The following DHX8 variants were observed in gnomAD, a reference collection of about 807,000 sequenced individuals.
DHX8 encodes the protein ATP-dependent RNA helicase DHX8.
Under a neutral mutation model 140.7 loss-of-function variants are expected in DHX8, and 67 were observed. The ratio of observed to expected loss-of-function variants is 0.48; its 90% CI spans 0.39 to 0.58. DHX8 has a LOEUF of 0.58. DHX8 is among the 20% of genes least tolerant of loss of function. The probability of loss-of-function intolerance (pLI) is 0.00; values close to 1 mark genes in which losing one functional copy is unlikely to be tolerated. For missense variants in DHX8, 887 were observed against 1,550.7 expected (o/e 0.57, Z 7.19); for synonymous variants, 533 against 553.2 (o/e 0.96, Z 0.51).
At position 43,533,398 on chromosome 17, in the gene DHX8, A is replaced by G. The variant is rs1971067268; in HGVS notation, c.351-3014A>G. On this transcript the variant is annotated intron_variant, in intron 2 of 3. Transcript: ENST00000589898. ...TGAGGGGGCAGAGAAGCTGGAAAGC[A>G]TCTTTGAACCCTTCATTCCTAGGAA... 3 of 1,539,426 alleles carry G rather than the reference A, an allele frequency of 1.9e-6. No homozygotes were observed. In the East Asian group the frequency reaches 6.8e-5, roughly 35 times the overall value.
chr17:43,518,937 A>C (rs977245019), intron 18 of DHX8: 1 of 152,178 alleles, frequency 6.6e-6, no homozygotes, highest in South Asian at 2.1e-4. Flanking sequence ...CATTTATTTC[A>C]TTCCTTTCTA....
downstream of DHX8, chr17:43,529,274 T>C: frequency 6.3e-7 from 1 of 1,597,178 alleles, no homozygotes; most frequent in East Asian, 2.2e-5. Context: ...GATGCTACCT[T>C]GGCAGAGGAA....
intron 1 of DHX8, among the ~76,000 whole-genome samples, chr17:43,485,803 T>TTTTAG (rs1404927614): frequency 6.6e-6 from 1 of 152,244 alleles, no homozygotes; most frequent in Non-Finnish European, 1.5e-5. Flanking sequence ...CTTCATAATC[T>TTTTAG]TTTAGTTTAT....
intron 2 of DHX8, among the ~76,000 whole-genome samples, chr17:43,534,714 C>T (rs1971142231): frequency 6.6e-6 from 1 of 151,988 alleles, no homozygotes; most frequent in South Asian, 2.1e-4. Flanking sequence ...CCGAGGCGGG[C>T]GGATCACCTG....
rs556713333 is a variant in DHX8, at chr17:43,494,115, G to A, written c.1212+229G>A. 3.9e-5 allele frequency among the ~76,000 whole-genome samples: 6 copies of A among 152,314 alleles called. No homozygotes were observed. In the South Asian group the frequency reaches 1.2e-3, roughly 32 times the overall value. Reference sequence around the variant, plus strand: ...AGGCCTCACAATTATGGAGGAAGGTGAAAGGCATATCTCACATGGCAGTAG... The same window carrying A: ...AGGCCTCACAATTATGGAGGAAGGTAAAAGGCATATCTCACATGGCAGTAG... On this transcript the variant is annotated intron_variant, in intron 8 of 22. Coordinates refer to ENST00000262415, the MANE Select transcript of DHX8 (RefSeq NM_004941.3).
intron 9 of DHX8, among the ~76,000 whole-genome samples, chr17:43,498,120 G>C (rs942771224): frequency 2.0e-5 from 3 of 151,144 alleles, no homozygotes; most frequent in Non-Finnish European, 4.4e-5. Context: ...TTGCATTGCT[G>C]TCCTTTGACC....
chr17:43,520,964 C>CTTTTTTTTTTTTTTTTTTT (rs10672223), intron 20 of DHX8, 85 bp downstream of exon 20: 1 of 358,210 alleles, frequency 2.8e-6, no homozygotes, highest in African/African-American at 4.5e-5. Flanking sequence ...TTGATGTGGA[C>CTTTTTTTTTTTTTTTTTTT]TTTTTTTTTT....
intron 3 of DHX8, among the ~76,000 whole-genome samples, chr17:43,538,719 C>T (rs979462795): frequency 2.0e-5 from 3 of 152,184 alleles, no homozygotes; most frequent in African/African-American, 7.2e-5. Context: ...GAAATGTAGA[C>T]ACCAAGAAGA....
chr17:43,507,160 G>T lies in DHX8; in HGVS notation c.1886G>T (p.Arg629Ile). 3 of 1,614,016 alleles carry T rather than the reference G, an allele frequency of 1.9e-6. No homozygotes were observed. The highest frequency in any genetic ancestry group is 1.1e-5 in the South Asian group (1 of 91,066). Residue 629 changes from arginine (R) to isoleucine (I), a missense_variant, in exon 13 of 23, where the codon AGA becomes ATA. Around this residue, in one of 9 missense-constraint regions of DHX8, gnomAD observed 178 missense variants for 398.5 expected, o/e 0.45. Coordinates refer to ENST00000262415, the MANE Select transcript of DHX8 (RefSeq NM_004941.3). ...GTGGCAGCTATGTCGGTGGCCAAAA[G>T]AGTGTCAGAGGAGTTTGGTTGTTGC... ...RRVAAMSVAK[R>I]VSEEFGCCLG...
At chr17:43,506,872 G>A in intron 12 of DHX8, 131 bp from the exon 13 acceptor site, 1 of 626,412 alleles carries the variant, frequency 1.6e-6, no homozygotes, top group Non-Finnish European at 2.5e-6. Context: ...CTTTTCTTTG[G>A]TGTTAGAATA....
intron 2 of DHX8, chr17:43,533,029 C>A (rs545832448): frequency 6.6e-7 from 1 of 1,510,082 alleles, no homozygotes; most frequent in Non-Finnish European, 8.9e-7. Flanking sequence ...AGAGTGGGCT[C>A]CGGAATGGGG....
At chr17:43,529,825 C>T, downstream of DHX8, 3 of 1,604,546 alleles carry the variant, frequency 1.9e-6, no homozygotes, top group Non-Finnish European at 2.6e-6. Context: ...TGATGTGACT[C>T]CTGCAGGGAC....
intron 16 of DHX8, among the ~76,000 whole-genome samples, chr17:43,511,761 C>T (rs1298739612): frequency 6.7e-6 from 1 of 150,282 alleles, no homozygotes; most frequent in African/African-American, 2.4e-5. Flanking sequence ...CCTGGCAGAT[C>T]CCAGCATTTT....
downstream of DHX8, among the ~76,000 whole-genome samples, chr17:43,530,607 C>CGTGTGTGTGTGT (rs1414343747): frequency 1.4e-5 from 2 of 138,628 alleles, no homozygotes; most frequent in African/African-American, 5.0e-5. Context: ...TGTGCACGCG[C>CGTGTGTGTGTGT]GCGTGTGTGT....
At position 43,524,094 on chromosome 17, in the gene DHX8, A is replaced by G. The variant is rs1039022903; in HGVS notation, c.*247A>G. The G allele has an allele frequency of 4.4e-6, 6 of 1,357,306 alleles. No individual in the cohort carries two copies. The South Asian group carries it at 9.4e-5, about 21-fold the overall frequency. 84.1% of individuals were successfully genotyped at this position (1,357,306 alleles called of 1,614,324 possible). A position where few individuals can be genotyped will look rare whatever the true frequency, so the allele number is the denominator to read the frequency against. On this transcript the variant is annotated 3_prime_UTR_variant, in exon 23 of 23. Transcript: ENST00000262415. ...CCAGTTGGGAGCTCATATCTAACACAGAGACACATTGCATCAACTTCAAGA... is the reference window on the plus strand; with the variant it reads ...CCAGTTGGGAGCTCATATCTAACACGGAGACACATTGCATCAACTTCAAGA...
chr17:43,526,699 A>T, downstream of DHX8: 1 of 1,486,708 alleles, frequency 6.7e-7, no homozygotes, highest in Non-Finnish European at 9.0e-7. Flanking sequence ...TCGTGTGTGT[A>T]CTCGGCCTTC....
rs762653069 is a variant in DHX8 at position 43,500,072 on chromosome 17, C to A, written c.1515C>A (p.Leu505=). ...AGATGGATTCTATTCCCATGGGACT[C>A]AACAAACACTGGGTTGACCCTCTGC... is the stretch of plus-strand genomic sequence containing the variant. The part of the protein sequence containing the change: ...EAEMDSIPMG[L]NKHWVDPLPD... Residue 505 remains leucine, a synonymous_variant, in exon 11 of 23, where the codon CTC becomes CTA. Coordinates refer to ENST00000262415, the MANE Select transcript of DHX8 (RefSeq NM_004941.3). 6.2e-7 allele frequency: 1 copy of A among 1,614,130 alleles called. No individual in the cohort carries two copies. The highest frequency in any genetic ancestry group is 1.1e-5 in the South Asian group (1 of 91,076).
chr17:43,485,213 T>C (rs992311147), intron 1 of DHX8, among the ~76,000 whole-genome samples: 1 of 152,056 alleles, frequency 6.6e-6, no homozygotes. Context: ...GGTGGGAAGA[T>C]GAGTGAGAGA....
chr17:43,532,570 G>T, intron 2 of DHX8: 2 of 1,033,912 alleles, frequency 1.9e-6, no homozygotes, highest in African/African-American at 1.6e-5. Context: ...TGGGTGGGTT[G>T]GATGTATGAA....
Sources: allele counts gnomAD v4.1 joint callset (sites outside exome capture counted in the v4.1 genomes callset), GRCh38; gene constraint gnomAD v4.1.1; regional missense constraint gnomAD v4.1.1; transcripts MANE v1.5; gene names NCBI Gene and HGNC (gene_info 2026-07-23, HGNC 2026-07-21).